Variants in ADGRA1 observed in about 807,000 individuals in gnomAD.
The protein encoded by ADGRA1 is G-protein coupled receptor 123.
In ADGRA1, 12 loss-of-function variants were observed where a neutral mutation model predicts 21.3. That is an observed-to-expected ratio of 0.56 (90% CI 0.36 to 0.91). The LOEUF is 0.91. ADGRA1 is among the 40% of genes least tolerant of loss of function. The pLI, the probability that ADGRA1 is intolerant of heterozygous loss-of-function variation, is 0.01. For missense variants in ADGRA1, 790 were observed against 805.6 expected (o/e 0.98, Z 0.23); for synonymous variants, 385 against 368.8 (o/e 1.04, Z -0.50).
chr10:133,118,261 G>T (rs1000911195), intron 5 of ADGRA1, among the ~76,000 whole-genome samples: 1 of 152,202 alleles, frequency 6.6e-6, no homozygotes, highest in East Asian at 1.9e-4. Context: ...GGTGCCCACA[G>T]GATTTTTAAG....
chr10:133,127,790 TG>T (rs1373616149), intron 6 of ADGRA1, among the ~76,000 whole-genome samples: 4 of 10,418 alleles, frequency 3.8e-4, no homozygotes, highest in Admixed American at 1.2e-3. Context: ...CACCTCCGCC[TG>T]GCCCCGCCCA....
intron 5 of ADGRA1, among the ~76,000 whole-genome samples, chr10:133,124,349 C>A (rs1258350874): frequency 6.6e-6 from 1 of 152,236 alleles, no homozygotes; most frequent in East Asian, 1.9e-4. Flanking sequence ...CCCCTCCGGA[C>A]ACCTCTGGGT....
At chr10:133,121,493 C>T in intron 5 of ADGRA1, among the ~76,000 whole-genome samples, 1 of 145,238 alleles carries the variant, frequency 6.9e-6, no homozygotes, top group East Asian at 2.1e-4. Context: ...TGGTGTGTGC[C>T]AGTGTGCGTG....
At chr10:133,110,908 T>C (rs1301526482) in intron 5 of ADGRA1, among the ~76,000 whole-genome samples, 6 of 152,286 alleles carry the variant, frequency 3.9e-5, no homozygotes, top group Admixed American at 6.5e-5. Flanking sequence ...CAGGTGCTGC[T>C]GGATAATTCA....
intron 5 of ADGRA1, among the ~76,000 whole-genome samples, chr10:133,121,039 G>A (rs954709721): frequency 1.5e-4 from 23 of 152,200 alleles, no homozygotes; most frequent in African/African-American, 5.5e-4. Context: ...CAGCCAACCC[G>A]TGGAGCGACC....
Position 133,131,201 on chromosome 10 carries a change from G to A in ADGRA1, c.*1690G>A, listed in dbSNP as rs1484614526. The stretch of plus-strand genomic sequence containing the variant: ...GAGGAGCCTCACTTCCCGGGGTGTC[G>A]GTAAACTTGACCGTGACTCAGTAAC... On this transcript the variant is annotated 3_prime_UTR_variant, in exon 7 of 7. Coordinates refer to ENST00000392607, the MANE Select transcript of ADGRA1 (RefSeq NM_001083909.3). 1 of 152,140 alleles carries A rather than the reference G, an allele frequency of 6.6e-6. No individual in the cohort carries two copies. Among genetic ancestry groups the A allele is most frequent in the South Asian group, 2.1e-4 (1 of 4,818 alleles). 9.4% of individuals were successfully genotyped at this position (152,140 alleles called of 1,614,324 possible). A position where few individuals can be genotyped will look rare whatever the true frequency, so the allele number is the denominator to read the frequency against.
Position 133,130,425 on chromosome 10 carries a change from C to A in ADGRA1, c.*914C>A, listed in dbSNP as rs949922381. On this transcript the variant is annotated 3_prime_UTR_variant, in exon 7 of 7. Coordinates refer to ENST00000392607, the MANE Select transcript of ADGRA1 (RefSeq NM_001083909.3). Reference sequence around the variant, plus strand: ...TCCAAAAAGAAAAGGGGCTGACAGACGGGAGATTCTCATGGACAAAATCCC... The same window carrying A: ...TCCAAAAAGAAAAGGGGCTGACAGAAGGGAGATTCTCATGGACAAAATCCC... 6.6e-6 allele frequency: 1 copy of A among 152,220 alleles called. No homozygotes were observed. Among genetic ancestry groups the A allele is most frequent in the African/African-American group, 2.4e-5 (1 of 41,444 alleles). The allele number at this position is 152,220 out of a possible 1,614,324, so 9.4% of individuals were successfully genotyped here. A position where few individuals can be genotyped will look rare whatever the true frequency, so the allele number is the denominator to read the frequency against.
chr10:133,108,815 A>T (rs1851936576), intron 5 of ADGRA1, among the ~76,000 whole-genome samples: 1 of 105,946 alleles, frequency 9.4e-6, no homozygotes, highest in African/African-American at 3.3e-5. Flanking sequence ...CACATCCTCC[A>T]TGGTCCCAGC....
intron 5 of ADGRA1, among the ~76,000 whole-genome samples, chr10:133,120,341 G>C (rs1447109935): frequency 6.6e-6 from 1 of 152,154 alleles, no homozygotes. Context: ...GGAGGTGGAG[G>C]TTGCAGTGAG....
At chr10:133,094,965 G>A (rs1007399818) in intron 2 of ADGRA1, among the ~76,000 whole-genome samples, 5 of 152,156 alleles carry the variant, frequency 3.3e-5, no homozygotes, top group Admixed American at 1.3e-4. Flanking sequence ...GTTTGCACGT[G>A]GCAGGAAGTG....
At chr10:133,105,316 CAGCCGCCGTGCATGAAGGAGCCGTGTGTA>C (rs1304082751) in intron 5 of ADGRA1, among the ~76,000 whole-genome samples, 4 of 152,216 alleles carry the variant, frequency 2.6e-5, no homozygotes, top group Non-Finnish European at 5.9e-5. Flanking sequence ...GGCCGAGTCT[CAGCCGCCGTGCATGAAGGAGCCGTGTGTA>C]AGCCCCCGTC....
At chr10:133,107,448 C>A (rs1851914233) in intron 5 of ADGRA1, among the ~76,000 whole-genome samples, 1 of 152,062 alleles carries the variant, frequency 6.6e-6, no homozygotes, top group Admixed American at 6.5e-5. Flanking sequence ...TTTAAAGAGC[C>A]AGTTTGAGTT....
Position 133,111,324 on chromosome 10 carries a change from A to T in ADGRA1, c.401+8482A>T, listed in dbSNP as rs12776276. Among the ~76,000 whole-genome samples, 204 of 62,334 alleles carry T rather than the reference A, an allele frequency of 3.3e-3. 11 individuals carry two copies. Among genetic ancestry groups the T allele is most frequent in the African/African-American group, 7.5e-3 (91 of 12,106 alleles). 40.9% of individuals were successfully genotyped at this position (62,334 alleles called of 152,430 possible). On this transcript the variant is annotated intron_variant, in intron 5 of 6. Transcript: ENST00000392607. The stretch of plus-strand genomic sequence containing the variant: ...CCCGGGAACCATCCCTCCTAATCCC[A>T]CCAGACCACCTGCCCACCACAGGCA...
intron 5 of ADGRA1, among the ~76,000 whole-genome samples, chr10:133,118,916 A>T (rs1017116409): frequency 6.9e-6 from 1 of 144,962 alleles, no homozygotes; most frequent in Non-Finnish European, 1.5e-5. Context: ...ACACTCACAC[A>T]CCACACACAC....
chr10:133,098,975 C>T (rs1449488856), intron 4 of ADGRA1, among the ~76,000 whole-genome samples: 11 of 152,242 alleles, frequency 7.2e-5, no homozygotes, highest in African/African-American at 2.2e-4. Context: ...CCCTCCAGGC[C>T]GGCGCTAACC....
intron 5 of ADGRA1, among the ~76,000 whole-genome samples, chr10:133,116,435 C>T (rs1333279292): frequency 6.7e-6 from 1 of 149,980 alleles, no homozygotes; most frequent in East Asian, 2.0e-4. Context: ...CCCGCCACCA[C>T]CCACGGTCCC....
chr10:133,094,963 G>A (rs1053357892), intron 2 of ADGRA1, among the ~76,000 whole-genome samples: 2 of 152,332 alleles, frequency 1.3e-5, no homozygotes, highest in East Asian at 3.9e-4. Flanking sequence ...CTGTTTGCAC[G>A]TGGCAGGAAG....
chr10:133,122,091 C>G (rs1007320801), intron 5 of ADGRA1, among the ~76,000 whole-genome samples: 2 of 152,186 alleles, frequency 1.3e-5, no homozygotes, highest in African/African-American at 4.8e-5. Context: ...TACGTGTGTG[C>G]ACGTGTGAGC....
chr10:133,121,337 TGTGA>T (rs1852249263), intron 5 of ADGRA1, among the ~76,000 whole-genome samples: 1 of 152,300 alleles, frequency 6.6e-6, no homozygotes, highest in Non-Finnish European at 1.5e-5. Flanking sequence ...CCTGTGCACG[TGTGA>T]GTGCCTGTGT....
Sources: allele counts gnomAD v4.1 joint callset (sites outside exome capture counted in the v4.1 genomes callset), GRCh38; gene constraint gnomAD v4.1.1; transcripts MANE v1.5; gene names NCBI Gene and HGNC (gene_info 2026-07-23, HGNC 2026-07-21).